Variants in SHTN1 observed in about 807,000 individuals in gnomAD.
SHTN1 encodes the protein shootin-1.
Under a neutral mutation model 83.1 loss-of-function variants are expected in SHTN1, and 42 were observed. The ratio of observed to expected loss-of-function variants is 0.51; its 90% confidence interval spans 0.39 to 0.65. SHTN1 has a LOEUF of 0.65. SHTN1 is among the 30% of genes least tolerant of loss of function. The pLI is 0.00. For synonymous variants in SHTN1, 224 were observed against 247.7 expected (o/e 0.90, Z 0.90); for missense variants, 622 against 737.8 (o/e 0.84, Z 1.82).
intron 1 of SHTN1, among the ~76,000 whole-genome samples, chr10:117,065,856 A>C (rs988374282): frequency 6.2e-4 from 23 of 37,060 alleles, no homozygotes; most frequent in African/African-American, 3.1e-3. Context: ...AAGGAAGGAA[A>C]GGAGGGAGGG....
chr10:117,005,221 G>C, upstream of SHTN1: 1 of 1,504,688 alleles, frequency 6.6e-7, no homozygotes, highest in Non-Finnish European at 8.9e-7. Flanking sequence ...TCCTCCTCCT[G>C]GCGCGGAGCG....
intron 2 of SHTN1, among the ~76,000 whole-genome samples, chr10:117,026,890 A>G (rs1265740356): frequency 6.6e-6 from 1 of 152,182 alleles, no homozygotes; most frequent in African/African-American, 2.4e-5. Flanking sequence ...GAGTGAACAT[A>G]GGTGGTAGCC....
intron 8 of SHTN1, among the ~76,000 whole-genome samples, chr10:116,941,937 G>C (rs184419574): frequency 2.6e-5 from 4 of 152,090 alleles, no homozygotes; most frequent in African/African-American, 9.7e-5. Context: ...ACTACGACAG[G>C]GTTCTTCTGC....
At chr10:116,977,120 T>C (rs1410835151) in intron 2 of SHTN1, among the ~76,000 whole-genome samples, 1 of 152,214 alleles carries the variant, frequency 6.6e-6, no homozygotes, top group African/African-American at 2.4e-5. Flanking sequence ...ACAACTATCA[T>C]CTCCACCAAT....
At chr10:117,049,012 G>A (rs952181407) in intron 1 of SHTN1, among the ~76,000 whole-genome samples, 6 of 152,154 alleles carry the variant, frequency 3.9e-5, no homozygotes, top group African/African-American at 1.2e-4. Flanking sequence ...GTCAATTGGG[G>A]ACCATATCTA....
At chr10:116,926,203 C>T (rs1396788140) in intron 11 of SHTN1, among the ~76,000 whole-genome samples, 1 of 152,088 alleles carries the variant, frequency 6.6e-6, no homozygotes, top group Non-Finnish European at 1.5e-5. Context: ...TTAGGTTATA[C>T]TTTACTTTTA....
chr10:116,976,442 T>C (rs1471158601), intron 2 of SHTN1, among the ~76,000 whole-genome samples: 1 of 152,182 alleles, frequency 6.6e-6, no homozygotes. Context: ...TTTTTTTGCT[T>C]CCTCTGTTCA....
intron 1 of SHTN1, among the ~76,000 whole-genome samples, chr10:117,091,921 G>C (rs1054485608): frequency 2.0e-5 from 3 of 152,162 alleles, no homozygotes; most frequent in African/African-American, 7.2e-5. Flanking sequence ...AGTTGAGGCA[G>C]GGACTGTGTC....
At chr10:117,122,163 T>G (rs1853939345) in intron 1 of SHTN1, among the ~76,000 whole-genome samples, 1 of 152,230 alleles carries the variant, frequency 6.6e-6, no homozygotes, top group East Asian at 1.9e-4. Context: ...TTTTTTATTT[T>G]CATATTGCTA....
At chr10:117,109,508 TTTTTATAC>T (rs1362454788) in intron 1 of SHTN1, among the ~76,000 whole-genome samples, 2 of 109,514 alleles carry the variant, frequency 1.8e-5, no homozygotes, top group Non-Finnish European at 4.0e-5. Flanking sequence ...TATATTGTCT[TTTTTATAC>T]TTTTATAAAA....
At chr10:116,987,110 A>G (rs1851246655) in intron 1 of SHTN1, among the ~76,000 whole-genome samples, 1 of 152,144 alleles carries the variant, frequency 6.6e-6, no homozygotes, top group Non-Finnish European at 1.5e-5. Context: ...TGTCCTCAAG[A>G]GAAACTATCT....
intron 2 of SHTN1, among the ~76,000 whole-genome samples, chr10:117,023,424 T>A (rs989249878): frequency 6.6e-6 from 1 of 152,140 alleles, no homozygotes; most frequent in African/African-American, 2.4e-5. Context: ...ATACCAGACA[T>A]ATATATATGA....
intron 12 of SHTN1, among the ~76,000 whole-genome samples, chr10:116,919,185 A>C (rs1488514714): frequency 6.6e-6 from 1 of 152,234 alleles, no homozygotes; most frequent in African/African-American, 2.4e-5. Flanking sequence ...TTGATGCTTT[A>C]CATTAATTCA....
chr10:116,987,778 G>C (rs909692529), intron 1 of SHTN1, among the ~76,000 whole-genome samples: 2 of 152,090 alleles, frequency 1.3e-5, no homozygotes, highest in East Asian at 3.9e-4. Context: ...AGCCAGGAGT[G>C]GGGGCATGTG....
intron 13 of SHTN1, among the ~76,000 whole-genome samples, chr10:116,913,917 T>C (rs1848292591): frequency 1.3e-5 from 2 of 152,232 alleles, no homozygotes; most frequent in Admixed American, 1.3e-4. Context: ...CTGGGCCAGC[T>C]GTGCCAGATC....
intron 3 of SHTN1, among the ~76,000 whole-genome samples, chr10:116,963,497 G>A (rs1850279660): frequency 6.6e-6 from 1 of 152,124 alleles, no homozygotes; most frequent in African/African-American, 2.4e-5. Context: ...ATATTTGGAT[G>A]ACATGAGGTT....
intron 1 of SHTN1, among the ~76,000 whole-genome samples, chr10:117,070,368 T>C (rs1853062513): frequency 6.6e-6 from 1 of 152,128 alleles, no homozygotes; most frequent in Non-Finnish European, 1.5e-5. Flanking sequence ...GATTTTCTTT[T>C]GAAGTCCCTA....
intron 1 of SHTN1, among the ~76,000 whole-genome samples, chr10:117,065,748 GAAA>G (rs1852972377): frequency 7.1e-5 from 1 of 14,148 alleles, no homozygotes; most frequent in Admixed American, 6.2e-4. Flanking sequence ...AAGAAAGAAA[GAAA>G]GAAAGAAAGA....
At chr10:117,123,444 GAGAC>G (rs1853959332) in intron 1 of SHTN1, among the ~76,000 whole-genome samples, 1 of 152,122 alleles carries the variant, frequency 6.6e-6, no homozygotes, top group Non-Finnish European at 1.5e-5. Flanking sequence ...CAGTTGATTT[GAGAC>G]AGAAAGAAAA....
Sources: allele counts gnomAD v4.1 joint callset (sites outside exome capture counted in the v4.1 genomes callset), GRCh38; gene constraint gnomAD v4.1.1; transcripts MANE v1.5; gene names NCBI Gene and HGNC (gene_info 2026-07-23, HGNC 2026-07-21).